The following MIR2052HG variants were observed in gnomAD, a reference collection of about 807,000 sequenced individuals.
The protein encoded by MIR2052HG is MIR2052 host gene.
intron 2 of MIR2052HG, among the ~76,000 whole-genome samples, chr8:74,659,302 T>C (rs1808837768): frequency 2.6e-5 from 4 of 152,242 alleles, no homozygotes; most frequent in Admixed American, 2.6e-4. Context: ...GAATACATAG[T>C]TACTGAGACT....
intron 2 of MIR2052HG, among the ~76,000 whole-genome samples, chr8:74,639,289 C>T (rs1215826129): frequency 6.6e-6 from 1 of 152,158 alleles, no homozygotes; most frequent in Non-Finnish European, 1.5e-5. Context: ...GTTGAATCTG[C>T]TTTATAAAAA....
At chr8:74,714,698 CTTT>C (rs10715580) in intron 4 of MIR2052HG, among the ~76,000 whole-genome samples, 7 of 124,434 alleles carry the variant, frequency 5.6e-5, no homozygotes, top group Non-Finnish European at 8.3e-5. Flanking sequence ...CTTTTTCCTT[CTTT>C]TTTTTTTTTT....
chr8:74,644,141 GT>G (rs1373358013), intron 2 of MIR2052HG, among the ~76,000 whole-genome samples: 1 of 152,146 alleles, frequency 6.6e-6, no homozygotes. Context: ...CCTCCTCAGT[GT>G]CTTTTCTCTC....
chr8:74,744,686 T>C (rs1384655567), intron 4 of MIR2052HG, among the ~76,000 whole-genome samples: 1 of 152,164 alleles, frequency 6.6e-6, no homozygotes, highest in Non-Finnish European at 1.5e-5. Context: ...TAGTATTCCA[T>C]GGTGTATATG....
chr8:74,630,803 A>C (rs967727920), intron 2 of MIR2052HG, among the ~76,000 whole-genome samples: 3 of 152,210 alleles, frequency 2.0e-5, no homozygotes, highest in African/African-American at 7.2e-5. Context: ...GCTACCATTT[A>C]GTGCCTCTGA....
At chr8:74,603,488 C>T in intron 1 of MIR2052HG, 2 of 1,590,100 alleles carry the variant, frequency 1.3e-6, no homozygotes, top group Non-Finnish European at 1.7e-6. Flanking sequence ...ATTATGCAGC[C>T]AATCAAATCG....
At chr8:74,609,343 C>T (rs75491147) in intron 1 of MIR2052HG, among the ~76,000 whole-genome samples, 3,832 of 151,998 alleles carry the variant, frequency 0.025, 80 homozygotes, top group South Asian at 0.09. Flanking sequence ...CCAGATGCTT[C>T]GCTAGGGAAT....
At chr8:74,718,165 A>G (rs1002025795) in intron 4 of MIR2052HG, among the ~76,000 whole-genome samples, 2 of 152,204 alleles carry the variant, frequency 1.3e-5, no homozygotes, top group African/African-American at 4.8e-5. Context: ...TAACTTTAAA[A>G]CTATCTTTTA....
At chr8:74,714,203 G>A (rs1370399605) in intron 4 of MIR2052HG, among the ~76,000 whole-genome samples, 1 of 152,186 alleles carries the variant, frequency 6.6e-6, no homozygotes, top group African/African-American at 2.4e-5. Flanking sequence ...AGAGCACCAC[G>A]AGGATGAGAG....
At chr8:74,618,325 TCTC>T (rs932823812) in intron 2 of MIR2052HG, among the ~76,000 whole-genome samples, 1 of 152,214 alleles carries the variant, frequency 6.6e-6, no homozygotes, top group Non-Finnish European at 1.5e-5. Context: ...TTATTAATTT[TCTC>T]CTCCTATCAG....
intron 2 of MIR2052HG, among the ~76,000 whole-genome samples, chr8:74,668,079 G>A (rs1383552335): frequency 6.6e-6 from 1 of 151,288 alleles, no homozygotes; most frequent in East Asian, 1.9e-4. Flanking sequence ...TGCATGACCT[G>A]AGGTGGGGGC....
At chr8:74,719,247 A>G (rs1270182889) in intron 4 of MIR2052HG, among the ~76,000 whole-genome samples, 1 of 152,190 alleles carries the variant, frequency 6.6e-6, no homozygotes, top group East Asian at 1.9e-4. Context: ...CCACAAATTA[A>G]AATACAAGTC....
At chr8:74,710,954 C>T (rs1809461454) in intron 4 of MIR2052HG, among the ~76,000 whole-genome samples, 1 of 152,158 alleles carries the variant, frequency 6.6e-6, no homozygotes, top group South Asian at 2.1e-4. Context: ...CACGTTTTGA[C>T]TCAACCTGCT....
intron 2 of MIR2052HG, among the ~76,000 whole-genome samples, chr8:74,700,031 A>T (rs1809342681): frequency 6.6e-6 from 1 of 152,186 alleles, no homozygotes; most frequent in South Asian, 2.1e-4. Flanking sequence ...ATCTCATTTA[A>T]TTCTTCTAAC....
At chr8:74,659,726 G>A (rs902416222) in intron 2 of MIR2052HG, among the ~76,000 whole-genome samples, 2 of 152,152 alleles carry the variant, frequency 1.3e-5, no homozygotes, top group African/African-American at 4.8e-5. Context: ...GACTACAGGT[G>A]TGAGTGTCCA....
intron 2 of MIR2052HG, among the ~76,000 whole-genome samples, chr8:74,692,193 T>C: frequency 6.6e-6 from 1 of 152,200 alleles, no homozygotes; most frequent in Admixed American, 6.5e-5. Context: ...TGGGTTCAAA[T>C]GATTCTCATG....
At chr8:74,659,200 A>T (rs11985380) in intron 2 of MIR2052HG, among the ~76,000 whole-genome samples, 6,392 of 152,302 alleles carry the variant, frequency 0.042, 210 homozygotes, top group African/African-American at 0.089. Context: ...AAATATGCTC[A>T]TAAAGAAGAC....
At chr8:74,604,089 C>T in intron 1 of MIR2052HG, 1 of 929,136 alleles carries the variant, frequency 1.1e-6, no homozygotes, top group Non-Finnish European at 1.8e-6. Flanking sequence ...CAGGACAATT[C>T]CCTTCTGAGA....
intron 4 of MIR2052HG, among the ~76,000 whole-genome samples, chr8:74,708,142 A>G (rs1809429767): frequency 6.6e-6 from 1 of 152,158 alleles, no homozygotes; most frequent in African/African-American, 2.4e-5. Flanking sequence ...CATAAATTTT[A>G]TGAAGAGACC....
Sources: gnomAD v4.1 joint callset for allele counts (sites outside exome capture counted in the v4.1 genomes callset) on GRCh38, gnomAD v4.1.1 for gene constraint, MANE v1.5 for transcripts, NCBI Gene and HGNC (gene_info 2026-07-23, HGNC 2026-07-21) for gene names.